Variants in ABCC1 observed in about 807,000 individuals in gnomAD.
ABCC1 encodes the protein multidrug resistance-associated protein 1.
ABCC1 carries 83 observed loss-of-function variants against 172.9 expected under a neutral mutation model. The ratio of observed to expected loss-of-function variants is 0.48; its 90% CI spans 0.40 to 0.58. The LOEUF (loss-of-function observed/expected upper bound fraction) is 0.58, where lower values mean the gene tolerates loss of function less well. ABCC1 is among the 20% of genes least tolerant of loss of function. The pLI, the probability that ABCC1 is intolerant of heterozygous loss-of-function variation, is 0.00. For missense variants in ABCC1, 1,817 were observed against 2,002.7 expected, an observed-to-expected ratio of 0.91 and a Z score of 1.77; for synonymous variants, 937 against 825.2, an observed-to-expected ratio of 1.14 and a Z score of -2.32.
At chr16:16,051,958 T>C (rs2049448045) in intron 10 of ABCC1, among the ~76,000 whole-genome samples, 1 of 150,420 alleles carries the variant, frequency 6.6e-6, no homozygotes. Context: ...AAGCTGGGTG[T>C]GATGGCTCGC....
At chr16:15,949,820 G>A in intron 1 of ABCC1, 21 bp downstream of exon 1, 1 of 1,194,842 alleles carries the variant, frequency 8.4e-7, no homozygotes, top group Non-Finnish European at 1.0e-6. Flanking sequence ...GGGGCCGCGT[G>A]AGGCCGGCGG....
Position 16,066,720 on chromosome 16 carries a change from G to A in ABCC1, c.1678-1436G>A, listed in dbSNP as rs188204648. On this transcript the variant is annotated intron_variant, in intron 12 of 30. Transcript: ENST00000399410. ...TCAAGACCAGCCTGACCAACATGGC[G>A]AAACCCCATCTCTACTAAGAAAAAT... is the stretch of plus-strand genomic sequence containing the variant. Among the ~76,000 whole-genome samples the A allele has an allele frequency of 4.0e-4, 61 of 151,598 alleles. 1 individual carries two copies. Among genetic ancestry groups the A allele is most frequent in the African/African-American group, 1.5e-3 (60 of 41,378 alleles).
At chr16:16,040,380 C>CG (rs1047105752) in intron 7 of ABCC1, among the ~76,000 whole-genome samples, 5 of 151,764 alleles carry the variant, frequency 3.3e-5, no homozygotes, top group African/African-American at 7.3e-5. Flanking sequence ...CTCCACCCCC[C>CG]GGGTTCAAGC....
chr16:15,949,778 C>T lies in ABCC1; in HGVS notation c.27C>T (p.Ala9=). 61 of 1,196,380 alleles carry T rather than the reference C, an allele frequency of 5.1e-5. No individual in the cohort carries two copies. Among genetic ancestry groups the T allele is most frequent in the Non-Finnish European group, 6.1e-5 (59 of 965,204 alleles). 74.1% of individuals were successfully genotyped at this position (1,196,380 alleles called of 1,614,324 possible). The change falls in exon 1 of 31, where the codon GCC becomes GCT. Residue 9 remains alanine (A), a synonymous_variant. Transcript: ENST00000399410. ...TGGCGCTCCGGGGCTTCTGCAGCGC[C>T]GATGGCTCCGACCCGCTCTGGGTAC... MALRGFCS[A]DGSDPLWDWN...
intron 7 of ABCC1, among the ~76,000 whole-genome samples, chr16:16,039,557 C>T (rs2048895328): frequency 6.6e-6 from 1 of 152,074 alleles, no homozygotes; most frequent in African/African-American, 2.4e-5. Context: ...GCATGAGCTA[C>T]TGTGTCCGGC....
At chr16:16,091,330 C>T (rs924891603) in intron 19 of ABCC1, among the ~76,000 whole-genome samples, 1 of 143,932 alleles carries the variant, frequency 6.9e-6, no homozygotes, top group East Asian at 2.1e-4. Context: ...TTTGGGAGGC[C>T]GTGGTGGGTG....
At chr16:16,037,596 G>C (rs1011967116) in intron 7 of ABCC1, among the ~76,000 whole-genome samples, 1 of 152,210 alleles carries the variant, frequency 6.6e-6, no homozygotes, top group African/African-American at 2.4e-5. Flanking sequence ...GGCCATGGGG[G>C]TAGTAGAATG....
chr16:16,031,887 G>A (rs575204746), intron 5 of ABCC1, among the ~76,000 whole-genome samples: 2 of 152,172 alleles, frequency 1.3e-5, no homozygotes, highest in South Asian at 4.2e-4. Flanking sequence ...GTCTCTCTCT[G>A]GAGCCTGACT....
chr16:16,079,545 A>G, intron 16 of ABCC1, 67 bp downstream of exon 16: 1 of 1,552,440 alleles, frequency 6.4e-7, no homozygotes, highest in African/African-American at 1.4e-5. Context: ...CTCAGAAATG[A>G]TGGTGTTTCT....
rs530286901 is a variant in ABCC1 at position 16,106,817 on chromosome 16, G to C, written c.2815G>C (p.Ala939Pro). The change falls in exon 21 of 31, where the codon GCC (alanine) becomes CCC (proline). Residue 939 changes from alanine to proline, a missense_variant. Physicochemically the swap from Ala to Pro is conservative, Grantham distance 27. Transcript: ENST00000399410. ...NSTAELQKAE[A>P]KKEETWKLME... The stretch of plus-strand genomic sequence containing the variant: ...CACCGCAGAACTGCAGAAAGCTGAG[G>C]CCAAGAAGGAGGAGACCTGGAAGCT... 2.9e-5 allele frequency: 47 copies of C among 1,614,160 alleles called. No individual in the cohort carries two copies. In the East Asian group the frequency reaches 1.0e-3, roughly 34 times the overall value.
intron 10 of ABCC1, among the ~76,000 whole-genome samples, chr16:16,049,416 A>G (rs2049339202): frequency 6.6e-6 from 1 of 152,144 alleles, no homozygotes; most frequent in South Asian, 2.1e-4. Context: ...CCATGTGGAG[A>G]GGGAGAGTTC....
intron 26 of ABCC1, among the ~76,000 whole-genome samples, chr16:16,129,196 T>C (rs1273355773): frequency 2.0e-5 from 3 of 152,194 alleles, no homozygotes; most frequent in Non-Finnish European, 4.4e-5. Context: ...CTACCTGTTA[T>C]CCTGTGAAAC....
intron 19 of ABCC1, among the ~76,000 whole-genome samples, chr16:16,091,276 A>G (rs951518928): frequency 7.2e-5 from 11 of 151,906 alleles, no homozygotes; most frequent in Non-Finnish European, 1.5e-4. Context: ...AAAAAATACA[A>G]AAAATTTGCC....
At position 16,079,959 on chromosome 16, in the gene ABCC1, C is replaced by T. The variant is rs376169632; in HGVS notation, c.2115+481C>T. ...CCGAGTAGCTAGGATTACAGGCATG[C>T]GCCACCATGTCCAGCTAATTTTTAT... is the stretch of plus-strand genomic sequence containing the variant. On this transcript the variant is annotated intron_variant, in intron 16 of 30. Coordinates refer to ENST00000399410, the MANE Select transcript of ABCC1 (RefSeq NM_004996.4). Among the ~76,000 whole-genome samples the T allele has an allele frequency of 4.0e-5, 6 of 151,750 alleles. 1 individual carries two copies. Among genetic ancestry groups the T allele is most frequent in the African/African-American group, 9.7e-5 (4 of 41,330 alleles).
intron 1 of ABCC1, among the ~76,000 whole-genome samples, chr16:16,007,185 T>G (rs2047572360): frequency 6.7e-6 from 1 of 149,208 alleles, no homozygotes; most frequent in African/African-American, 2.5e-5. Context: ...CTTTTTGTTG[T>G]TGGTGGGTTT....
At chr16:16,068,009 G>A in intron 12 of ABCC1, 147 bp from the exon 13 acceptor site, 1 of 791,200 alleles carries the variant, frequency 1.3e-6, no homozygotes, top group Non-Finnish European at 2.0e-6. Context: ...GCCAGATACT[G>A]CCCCAGGTTT....
At chr16:16,036,418 CCCTCCT>C (rs967046765) in intron 6 of ABCC1, 48 bp from the exon 7 acceptor site, 10 of 1,563,080 alleles carry the variant, frequency 6.4e-6, no homozygotes, top group African/African-American at 1.4e-5. Context: ...CCCGTCCTCC[CCCTCCT>C]CCTGTCATTG....
chr16:15,992,111 C>T (rs1022900708), intron 1 of ABCC1, among the ~76,000 whole-genome samples: 17 of 151,902 alleles, frequency 1.1e-4, no homozygotes, highest in Admixed American at 5.9e-4. Context: ...TGCTGTGAAC[C>T]GTGTGCGCGA....
intron 1 of ABCC1, among the ~76,000 whole-genome samples, chr16:15,989,411 T>C (rs960328499): frequency 6.6e-6 from 1 of 152,188 alleles, no homozygotes; most frequent in Non-Finnish European, 1.5e-5. Flanking sequence ...ACTTTAGCCT[T>C]TCTCCAGATG....
Sources: gnomAD v4.1 joint callset for allele counts (sites outside exome capture counted in the v4.1 genomes callset) on GRCh38, gnomAD v4.1.1 for gene constraint, MANE v1.5 for transcripts, NCBI Gene and HGNC (gene_info 2026-07-23, HGNC 2026-07-21) for gene names.